Variants in INSYN2B observed in about 807,000 individuals in gnomAD.
INSYN2B encodes protein INSYN2B.
Under a neutral mutation model 41.2 loss-of-function variants are expected in INSYN2B, and 16 were observed. The observed-to-expected ratio is 0.39, with a 90% CI of 0.26 to 0.59. INSYN2B has a LOEUF of 0.59. Among genes scored for constraint, INSYN2B ranks in the 20% least tolerant of loss-of-function variants. The pLI is 0.57. For synonymous variants in INSYN2B, 245 were observed against 244.4 expected (o/e 1.00, Z -0.02); for missense variants, 608 against 646.4 (o/e 0.94, Z 0.64).
At chr5:169,881,515 G>C (rs1031190224) in intron 2 of INSYN2B, 73 bp from the exon 3 acceptor site, 3 of 1,130,824 alleles carry the variant, frequency 2.7e-6, no homozygotes, top group Non-Finnish European at 3.9e-6. Context: ...CAACCTACTT[G>C]TCCCTTAGTC....
At chr5:169,953,059 C>T (rs1261856613) in intron 1 of INSYN2B, among the ~76,000 whole-genome samples, 1 of 152,174 alleles carries the variant, frequency 6.6e-6, no homozygotes, top group Non-Finnish European at 1.5e-5. Flanking sequence ...CACGGTGGCT[C>T]ATACCTGTAA....
At position 169,863,555 on chromosome 5, in the gene INSYN2B, G is replaced by A. The variant is rs261030; in HGVS notation, c.*718C>T. On this transcript the variant is annotated 3_prime_UTR_variant, in exon 4 of 4. Coordinates refer to ENST00000377365, the MANE Select transcript of INSYN2B (RefSeq NM_001129891.3). ...TAGGGTGGGCCCTGGAACAGCTACA[G>A]CTGCTGAAATCCTCTTTGAATTACA... Among the ~76,000 whole-genome samples the A allele has an allele frequency of 0.78, 119,446 of 152,222 alleles. 47,520 individuals are homozygous for A. The highest frequency in any genetic ancestry group is 0.89 in the African/African-American group (36,814 of 41,544).
intron 1 of INSYN2B, among the ~76,000 whole-genome samples, chr5:169,977,824 AG>A (rs1260264336): frequency 2.0e-5 from 3 of 152,202 alleles, no homozygotes; most frequent in African/African-American, 7.2e-5. Context: ...TAAAATGAAT[AG>A]GTTTTAGAGT....
At chr5:169,929,829 C>T (rs2113678322) in intron 1 of INSYN2B, among the ~76,000 whole-genome samples, 1 of 151,676 alleles carries the variant, frequency 6.6e-6, no homozygotes, top group South Asian at 2.1e-4. Flanking sequence ...CCTATAGACC[C>T]TTATATGAGG....
chr5:169,973,684 C>T (rs1777608578), intron 1 of INSYN2B, among the ~76,000 whole-genome samples: 1 of 152,130 alleles, frequency 6.6e-6, no homozygotes, highest in African/African-American at 2.4e-5. Context: ...GTATTGGTAC[C>T]TCATACAGAA....
chr5:169,936,759 T>G (rs1328001813), intron 1 of INSYN2B, among the ~76,000 whole-genome samples: 1 of 152,078 alleles, frequency 6.6e-6, no homozygotes, highest in Non-Finnish European at 1.5e-5. Flanking sequence ...TCATGAATAA[T>G]CTCTGATCAG....
chr5:169,932,505 C>G (rs954488881), intron 1 of INSYN2B, among the ~76,000 whole-genome samples: 5 of 152,190 alleles, frequency 3.3e-5, no homozygotes, highest in Admixed American at 6.5e-5. Flanking sequence ...TGGGTGTCCT[C>G]ATGGAGCCTC....
chr5:169,892,848 CCTCT>C (rs1773376496), intron 1 of INSYN2B, among the ~76,000 whole-genome samples: 1 of 151,940 alleles, frequency 6.6e-6, no homozygotes, highest in African/African-American at 2.4e-5. Flanking sequence ...CTCTGGATTT[CCTCT>C]CTCCTTTCTC....
At chr5:169,957,734 T>C (rs1345731169) in intron 1 of INSYN2B, among the ~76,000 whole-genome samples, 1 of 152,184 alleles carries the variant, frequency 6.6e-6, no homozygotes, top group Non-Finnish European at 1.5e-5. Context: ...GTGAAGTCCT[T>C]TGATTGTCTC....
At chr5:169,918,943 G>A (rs558694346) in intron 1 of INSYN2B, among the ~76,000 whole-genome samples, 2 of 152,200 alleles carry the variant, frequency 1.3e-5, no homozygotes, top group East Asian at 3.9e-4. Flanking sequence ...AGATATTTTA[G>A]GGGCCAGATA....
At chr5:169,925,449 G>A (rs907812282) in intron 1 of INSYN2B, among the ~76,000 whole-genome samples, 19 of 151,966 alleles carry the variant, frequency 1.3e-4, no homozygotes, top group African/African-American at 4.6e-4. Context: ...GCGTGGTGTT[G>A]TGCACCTGTA....
At position 169,937,195 on chromosome 5, in the gene INSYN2B, C is replaced by A. The variant is rs144576827; in HGVS notation, c.-919+43082G>T. On this transcript the variant is annotated intron_variant, in intron 1 of 3. Transcript: ENST00000377365. ...TCCAGAGCTGCTTTCAAACCACCAT[C>A]AAAAATTTGAGGAGTTGAGTAGTGG... 2.6e-5 allele frequency among the ~76,000 whole-genome samples: 4 copies of A among 152,318 alleles called. No individual in the cohort carries two copies. The East Asian group carries it at 7.7e-4, about 29-fold the overall frequency.
chr5:169,966,626 A>C (rs189478134), intron 1 of INSYN2B, among the ~76,000 whole-genome samples: 23 of 152,268 alleles, frequency 1.5e-4, no homozygotes, highest in Non-Finnish European at 2.8e-4. Context: ...CCATACCCTT[A>C]TTTTACAGGT....
At chr5:169,964,814 A>T (rs1777235695) in intron 1 of INSYN2B, among the ~76,000 whole-genome samples, 1 of 152,218 alleles carries the variant, frequency 6.6e-6, no homozygotes, top group African/African-American at 2.4e-5. Flanking sequence ...AATGGCATCT[A>T]CTTCTCAATG....
At chr5:169,940,586 A>T (rs1038220070) in intron 1 of INSYN2B, among the ~76,000 whole-genome samples, 10 of 152,314 alleles carry the variant, frequency 6.6e-5, no homozygotes, top group African/African-American at 2.4e-4. Flanking sequence ...GTCCCCTCTG[A>T]GGGTGATGGG....
intron 3 of INSYN2B, among the ~76,000 whole-genome samples, chr5:169,874,483 G>C (rs1368399974): frequency 6.6e-6 from 1 of 151,766 alleles, no homozygotes; most frequent in South Asian, 2.1e-4. Flanking sequence ...GCGGGTGGTG[G>C]TGGCAGATTC....
intron 1 of INSYN2B, among the ~76,000 whole-genome samples, chr5:169,910,385 C>T (rs572442087): frequency 2.6e-5 from 4 of 152,234 alleles, no homozygotes; most frequent in East Asian, 3.9e-4. Flanking sequence ...CAAGACAGTT[C>T]GATGGCAGAG....
chr5:169,868,576 T>C (rs533287760), intron 3 of INSYN2B, among the ~76,000 whole-genome samples: 1 of 152,192 alleles, frequency 6.6e-6, no homozygotes, highest in African/African-American at 2.4e-5. Flanking sequence ...CTGGGCAACA[T>C]AGCGAGACAC....
chr5:169,972,901 C>A (rs1357475338), intron 1 of INSYN2B, among the ~76,000 whole-genome samples: 1 of 152,106 alleles, frequency 6.6e-6, no homozygotes, highest in Non-Finnish European at 1.5e-5. Flanking sequence ...CTCCAAGCAA[C>A]CACCCCCCTC....
Sources: gnomAD v4.1 joint callset for allele counts (sites outside exome capture counted in the v4.1 genomes callset) on GRCh38, gnomAD v4.1.1 for gene constraint, MANE v1.5 for transcripts, NCBI Gene and HGNC (gene_info 2026-07-23, HGNC 2026-07-21) for gene names.